The following PTPN3 variants were observed in gnomAD, a reference collection of about 807,000 sequenced individuals.
PTPN3 encodes the protein protein tyrosine phosphatase non-receptor type 3, also known as tyrosine-protein phosphatase non-receptor type 3.
In PTPN3, 96 loss-of-function variants were observed where a neutral mutation model predicts 132.7. The ratio of observed to expected loss-of-function variants is 0.72; its 90% confidence interval spans 0.61 to 0.86. PTPN3 has a LOEUF of 0.86. Ranked by LOEUF, PTPN3 falls within the 40% of genes least tolerant of loss-of-function variation. PTPN3 has a pLI of 0.00. For synonymous variants in PTPN3, 398 were observed against 429.0 expected, an observed-to-expected ratio of 0.93 and a Z score of 0.89; for missense variants, 1,125 against 1,159.6, an observed-to-expected ratio of 0.97 and a Z score of 0.43.
In PTPN3 at chr9:109,389,226, T is replaced by A. The variant is rs746245241; in HGVS notation, c.2253+7A>T. ...CACACATCTGAATTAGAAATCAAGC[T>A]ACTTACCCGCCCTCGTTCTGTGAGA... On this transcript the variant is annotated splice_region_variant and intron_variant, in intron 22 of 25. Transcript: ENST00000374541. The A allele has an allele frequency of 3.3e-5, 54 of 1,613,702 alleles. No individual in the cohort carries two copies. The highest frequency in any genetic ancestry group is 4.1e-5 in the Non-Finnish European group (48 of 1,179,872).
chr9:109,401,538 T>C (rs548276715), intron 19 of PTPN3, among the ~76,000 whole-genome samples: 2 of 152,344 alleles, frequency 1.3e-5, no homozygotes, highest in South Asian at 2.1e-4. Flanking sequence ...GATTCCCATA[T>C]GTAAAACACA....
At chr9:109,447,932 T>A (rs1195971505) in intron 6 of PTPN3, among the ~76,000 whole-genome samples, 1 of 152,168 alleles carries the variant, frequency 6.6e-6, no homozygotes, top group Non-Finnish European at 1.5e-5. Flanking sequence ...GGTTTCCAAG[T>A]GGGACTGTCG....
At chr9:109,415,048 G>GTCCATCCGTCCGTCCA (rs1842371041) in intron 14 of PTPN3, among the ~76,000 whole-genome samples, 1 of 136,354 alleles carries the variant, frequency 7.3e-6, no homozygotes, top group Non-Finnish European at 1.6e-5. Flanking sequence ...CCGTCCGTCC[G>GTCCATCCGTCCGTCCA]TCCATCCGTC....
intron 5 of PTPN3, 139 bp from the exon 6 acceptor site, chr9:109,448,994 A>G: frequency 6.9e-7 from 1 of 1,455,340 alleles, no homozygotes. Flanking sequence ...CCAAGGTATC[A>G]GGTGCTACCT....
At chr9:109,383,630 G>A (rs1476160170) in intron 22 of PTPN3, 79 bp from the exon 23 acceptor site, 1 of 1,552,738 alleles carries the variant, frequency 6.4e-7, no homozygotes, top group Non-Finnish European at 8.7e-7. Context: ...CAGGTGGACG[G>A]GTTAGGCATC....
At position 109,492,432 on chromosome 9, in the gene PTPN3, T is replaced by C. The variant is rs181654839; in HGVS notation, c.-18+5787A>G. On this transcript the variant is annotated intron_variant, in intron 1 of 25. Transcript: ENST00000374541. ...CTGTGGTCCTGGCTGAGGAGGGACCTTCACTCACCCACAGCGACTCTCAGC... is the reference window on the plus strand; with the variant it reads ...CTGTGGTCCTGGCTGAGGAGGGACCCTCACTCACCCACAGCGACTCTCAGC... 6.1e-3 allele frequency among the ~76,000 whole-genome samples: 935 copies of C among 152,308 alleles called. 6 individuals carry two copies. The highest frequency in any genetic ancestry group is 0.022 in the African/African-American group (904 of 41,564).
At chr9:109,495,616 C>G (rs1334404038) in intron 1 of PTPN3, among the ~76,000 whole-genome samples, 1 of 152,178 alleles carries the variant, frequency 6.6e-6, no homozygotes, top group Non-Finnish European at 1.5e-5. Flanking sequence ...GTGTGTGAAA[C>G]CTTCCAGTTC....
chr9:109,379,661 C>T (rs1354674022), intron 25 of PTPN3, 28 bp from the exon 26 acceptor site: 3 of 1,580,102 alleles, frequency 1.9e-6, no homozygotes, highest in Non-Finnish European at 2.6e-6. Context: ...GCTGTCAAGT[C>T]CTGTAGCTCC....
Position 109,391,456 on chromosome 9 carries a change from A to G in PTPN3, c.2044+15T>C. On this transcript the variant is annotated intron_variant, in intron 20 of 25. Transcript: ENST00000374541. The stretch of plus-strand genomic sequence containing the variant: ...CAGTGTAGGGGGGAAGGAGGCATTC[A>G]TGCCGGATACTCACAAGGCAGCACA... 6.3e-7 allele frequency: 1 copy of G among 1,599,430 alleles called. No homozygotes were observed. The highest frequency in any genetic ancestry group is 8.6e-7 in the Non-Finnish European group (1 of 1,167,442).
intron 1 of PTPN3, among the ~76,000 whole-genome samples, chr9:109,485,549 TAA>T (rs1264801732): frequency 6.6e-6 from 1 of 151,882 alleles, no homozygotes; most frequent in African/African-American, 2.4e-5. Flanking sequence ...AAAGTAAAAA[TAA>T]AAAGAGTCAT....
intron 1 of PTPN3, among the ~76,000 whole-genome samples, chr9:109,492,621 G>A (rs1401691782): frequency 6.6e-6 from 1 of 152,204 alleles, no homozygotes; most frequent in Non-Finnish European, 1.5e-5. Flanking sequence ...TTTACAGGGT[G>A]GAAGTTGATT....
At position 109,388,688 on chromosome 9, in the gene PTPN3, C is replaced by T. The variant is rs958560782; in HGVS notation, c.2253+545G>A. On this transcript the variant is annotated intron_variant, in intron 22 of 25. Transcript: ENST00000374541. ...GGGCTGCTATCCAGGGCAACCAACC[C>T]TTAGGGTTATCAGCCCTAAGACAAG... is the stretch of plus-strand genomic sequence containing the variant. Among the ~76,000 whole-genome samples the T allele has an allele frequency of 3.9e-5, 6 of 152,158 alleles. No homozygotes were observed. The South Asian group carries it at 1.0e-3, about 26-fold the overall frequency.
At position 109,378,726 on chromosome 9, in the gene PTPN3, T is replaced by C. The variant is rs1838776807; in HGVS notation, c.*830A>G. 1.3e-5 allele frequency: 2 copies of C among 152,570 alleles called. No homozygotes were observed. Among genetic ancestry groups the C allele is most frequent in the African/African-American group, 4.8e-5 (2 of 41,390 alleles). 9.5% of individuals were successfully genotyped at this position (152,570 alleles called of 1,614,324 possible). On this transcript the variant is annotated 3_prime_UTR_variant, in exon 26 of 26. Transcript: ENST00000374541. The stretch of plus-strand genomic sequence containing the variant: ...GTGGAGGAGCTTGAAGTAGCAGCAA[T>C]ACATGTAGGAGATTCAGTAGTCGGT...
the PTPN3 span, among the ~76,000 whole-genome samples, chr9:109,528,201 A>C: frequency 6.6e-6 from 1 of 152,342 alleles, no homozygotes; most frequent in South Asian, 2.1e-4. Flanking sequence ...GTTTAGCAAA[A>C]GAAATCTTAT....
chr9:109,536,245 A>G, the PTPN3 span, among the ~76,000 whole-genome samples: 10 of 152,200 alleles, frequency 6.6e-5, no homozygotes, highest in Non-Finnish European at 1.2e-4. Context: ...GATATATCAC[A>G]CAACTTGTTT....
chr9:109,501,875 C>T (rs988434554), upstream of PTPN3, among the ~76,000 whole-genome samples: 10 of 152,168 alleles, frequency 6.6e-5, no homozygotes, highest in Admixed American at 5.9e-4. Context: ...TGACAGAGAG[C>T]TGATAGTCCT....
At chr9:109,534,591 A>G in the PTPN3 span, among the ~76,000 whole-genome samples, 77,896 of 147,324 alleles carry the variant, frequency 0.53, 21,628 homozygotes, top group East Asian at 0.85. Flanking sequence ...AGCCTGACTA[A>G]CATGGTGAAA....
the PTPN3 span, among the ~76,000 whole-genome samples, chr9:109,507,127 T>G: frequency 6.6e-6 from 1 of 151,950 alleles, no homozygotes; most frequent in South Asian, 2.1e-4. Context: ...CAGCTGGAGG[T>G]CAAGAACTCT....
the PTPN3 span, among the ~76,000 whole-genome samples, chr9:109,504,127 T>C: frequency 2.0e-4 from 30 of 152,312 alleles, no homozygotes; most frequent in Middle Eastern, 3.4e-3. Context: ...GATGAGAGTG[T>C]TATTCTTGCG....
Sources: allele counts gnomAD v4.1 joint callset (sites outside exome capture counted in the v4.1 genomes callset), GRCh38; gene constraint gnomAD v4.1.1; transcripts MANE v1.5; gene names NCBI Gene and HGNC (gene_info 2026-07-23, HGNC 2026-07-21).